USH2A: variants seen among roughly 807,000 people sequenced by gnomAD.
The protein encoded by USH2A is Usher syndrome 2A (autosomal recessive, mild).
In USH2A, 443 loss-of-function variants were observed where a neutral mutation model predicts 538.9. That is an observed-to-expected ratio of 0.82 (90% CI 0.76 to 0.89). The LOEUF (loss-of-function observed/expected upper bound fraction) is 0.89, where lower values mean the gene tolerates loss of function less well. USH2A is among the 40% of genes least tolerant of loss of function. The probability of loss-of-function intolerance (pLI) is 0.00; values close to 1 mark genes in which losing one functional copy is unlikely to be tolerated. For synonymous variants in USH2A, 2,413 were observed against 2,273.5 expected (o/e 1.06, Z -1.75); for missense variants, 6,633 against 6,324.8 (o/e 1.05, Z -1.65).
intron 21 of USH2A, among the ~76,000 whole-genome samples, chr1:216,125,301 T>A (rs2033227596): frequency 6.6e-6 from 1 of 151,744 alleles, no homozygotes; most frequent in South Asian, 2.1e-4. Context: ...TATCTAAAAC[T>A]CAAACAATAT....
rs1225926539 is a variant in USH2A at position 215,934,717 on chromosome 1, T to A, written c.7199A>T (p.Asp2400Val). ...ATAGTTGGTAAAAGGAACCAGCCCATCGATGAGCACCCAAAGGTTTGTCTC... is the reference window on the plus strand; with the variant it reads ...ATAGTTGGTAAAAGGAACCAGCCCAACGATGAGCACCCAAAGGTTTGTCTC... ...GEETNLWVLI[D>V]GLVPFTNYTV... The change falls in exon 38 of 72, where the codon GAT becomes GTT. Residue 2400 changes from aspartate to valine, a missense_variant. Asp to Val is a radical substitution (Grantham distance 152). Transcript: ENST00000307340. 1.9e-6 allele frequency: 3 copies of A among 1,612,818 alleles called. No homozygotes were observed. The highest frequency in any genetic ancestry group is 8.5e-7 in the Non-Finnish European group (1 of 1,179,218).
At chr1:216,008,477 T>C (rs897985636) in intron 32 of USH2A, among the ~76,000 whole-genome samples, 3 of 152,100 alleles carry the variant, frequency 2.0e-5, no homozygotes, top group East Asian at 3.9e-4. Context: ...CTCAGCCCAC[T>C]TGCACCCAGG....
chr1:215,673,923 C>G (rs1354288105), intron 63 of USH2A, among the ~76,000 whole-genome samples, 177 bp downstream of exon 63: 1 of 152,106 alleles, frequency 6.6e-6, no homozygotes, highest in East Asian at 1.9e-4. Flanking sequence ...GGAGGTTATG[C>G]AAGCAGGCTT....
chr1:216,296,564 T>C (rs2037109097), intron 9 of USH2A, among the ~76,000 whole-genome samples: 1 of 152,078 alleles, frequency 6.6e-6, no homozygotes, highest in African/African-American at 2.4e-5. Context: ...AATAATGATA[T>C]TAATGTCCAA....
chr1:216,159,964 T>A (rs891439563), intron 21 of USH2A, among the ~76,000 whole-genome samples: 6 of 152,130 alleles, frequency 3.9e-5, no homozygotes, highest in African/African-American at 1.4e-4. Flanking sequence ...CTGTTCTTAA[T>A]ACATTATTAT....
chr1:216,267,589 C>T lies in USH2A; in HGVS notation c.1972-16491G>A, dbSNP rs144260349. Among the ~76,000 whole-genome samples the T allele has an allele frequency of 2.0e-4, 31 of 152,188 alleles. No homozygotes were observed. In the South Asian group the frequency reaches 6.0e-3, roughly 30 times the overall value. On this transcript the variant is annotated intron_variant, in intron 11 of 71. Transcript: ENST00000307340. ...AAGTCAAGTTCACAGCCTGTCTCAC[C>T]AGGCACCACGACATCTCTTTTGGGA...
At position 216,226,643 on chromosome 1, in the gene USH2A, A is replaced by G. The variant is rs114890086; in HGVS notation, c.2993+5310T>C. ...TCTTTCTCACCATTAGGTATCTCTC[A>G]CCTTTTGTTTTAGTGCAGTCAGATG... On this transcript the variant is annotated intron_variant, in intron 14 of 71. Coordinates refer to ENST00000307340, the MANE Select transcript of USH2A (RefSeq NM_206933.4). Among the ~76,000 whole-genome samples, 523 of 152,066 alleles carry G rather than the reference A, an allele frequency of 3.4e-3. 2 individuals carry two copies. Among genetic ancestry groups the G allele is most frequent in the African/African-American group, 0.012 (497 of 41,484 alleles).
At chr1:215,778,795 G>A (rs1472247706) in intron 55 of USH2A, among the ~76,000 whole-genome samples, 3 of 152,050 alleles carry the variant, frequency 2.0e-5, no homozygotes, top group Admixed American at 2.0e-4. Flanking sequence ...GGGTTGTTTG[G>A]GATGATTCAG....
chr1:215,899,410 C>A (rs548717491), intron 40 of USH2A, among the ~76,000 whole-genome samples: 2 of 152,184 alleles, frequency 1.3e-5, no homozygotes, highest in African/African-American at 2.4e-5. Context: ...AACCCCTCTA[C>A]TTTCATATAT....
intron 43 of USH2A, among the ~76,000 whole-genome samples, chr1:215,873,748 A>G (rs1262472025): frequency 1.3e-5 from 2 of 151,890 alleles, no homozygotes; most frequent in Non-Finnish European, 2.9e-5. Context: ...AATGTAATAC[A>G]ATTAGTGGAT....
In USH2A at chr1:215,993,075, G is replaced by A. The variant is rs2102476682; in HGVS notation, c.6750C>T (p.His2250=). Residue 2250 remains histidine (H), a synonymous_variant, in exon 35 of 72, where the codon CAC becomes CAT. Transcript: ENST00000307340. ...IPEGVPAPKA[H]SYSPDSFNVS... ...CATTAAAGGAGTCAGGTGAATATGA[G>A]TGGGCTTTGGGGGCTGGCACGCCTT... The A allele has an allele frequency of 6.2e-7, 1 of 1,614,090 alleles. No homozygotes were observed. Among genetic ancestry groups the A allele is most frequent in the Non-Finnish European group, 8.5e-7 (1 of 1,179,974 alleles).
At chr1:215,719,343 C>T (rs375091983) in intron 61 of USH2A, among the ~76,000 whole-genome samples, 6 of 115,606 alleles carry the variant, frequency 5.2e-5, no homozygotes, top group East Asian at 2.4e-4. Context: ...GGGATAAGAC[C>T]GTAATAAACC....
At chr1:215,849,184 A>G (rs76700712) in intron 44 of USH2A, among the ~76,000 whole-genome samples, 7,192 of 152,294 alleles carry the variant, frequency 0.047, 273 homozygotes, top group South Asian at 0.14. Flanking sequence ...GAACCTTCCA[A>G]GGCAGAAGTT....
chr1:216,142,553 C>A (rs1047267968), intron 21 of USH2A, among the ~76,000 whole-genome samples: 3 of 152,160 alleles, frequency 2.0e-5, no homozygotes, highest in Admixed American at 6.5e-5. Flanking sequence ...TCTATCTAAT[C>A]TGGAGTGTGG....
At chr1:216,074,569 CT>C (rs1447977229) in intron 27 of USH2A, among the ~76,000 whole-genome samples, 1 of 152,084 alleles carries the variant, frequency 6.6e-6, no homozygotes, top group Non-Finnish European at 1.5e-5. Context: ...TTTTAAATGT[CT>C]TTTACTATTA....
intron 20 of USH2A, among the ~76,000 whole-genome samples, chr1:216,185,414 T>C (rs1317580422): frequency 6.6e-6 from 1 of 151,988 alleles, no homozygotes; most frequent in Non-Finnish European, 1.5e-5. Flanking sequence ...AGTATCTTTC[T>C]GATTTTTGAG....
At chr1:216,264,225 T>C (rs1472253737) in intron 11 of USH2A, among the ~76,000 whole-genome samples, 2 of 152,072 alleles carry the variant, frequency 1.3e-5, no homozygotes, top group South Asian at 2.1e-4. Context: ...AAAATACTAA[T>C]GATATTCTTC....
At chr1:215,659,752 T>A (rs1021124041) in intron 64 of USH2A, among the ~76,000 whole-genome samples, 3 of 152,156 alleles carry the variant, frequency 2.0e-5, no homozygotes, top group Non-Finnish European at 4.4e-5. Context: ...TAGCCTAGAC[T>A]GCAACCCTAA....
intron 61 of USH2A, among the ~76,000 whole-genome samples, chr1:215,694,213 A>T (rs1658718376): frequency 6.6e-6 from 1 of 152,192 alleles, no homozygotes; most frequent in Admixed American, 6.5e-5. Context: ...AATGAATTAC[A>T]AATTCGCAAC....
Sources: gnomAD v4.1 joint callset for allele counts (sites outside exome capture counted in the v4.1 genomes callset) on GRCh38, gnomAD v4.1.1 for gene constraint, MANE v1.5 for transcripts, NCBI Gene and HGNC (gene_info 2026-07-23, HGNC 2026-07-21) for gene names.